Variants in TSPOAP1 observed in about 807,000 individuals in gnomAD.
TSPOAP1 encodes peripheral-type benzodiazepine receptor-associated protein 1.
A neutral mutation model predicts 197.0 loss-of-function variants in TSPOAP1; 87 were observed. The ratio of observed to expected loss-of-function variants is 0.44; its 90% CI spans 0.37 to 0.53. TSPOAP1 has a LOEUF of 0.53. Among genes scored for constraint, TSPOAP1 ranks in the 20% least tolerant of loss-of-function variants. The pLI is 0.00. For missense variants in TSPOAP1, 2,174 were observed against 2,411.3 expected (o/e 0.90, Z 2.06); for synonymous variants, 913 against 998.9 (o/e 0.91, Z 1.62).
chr17:58,327,504 A>T, intron 1 of TSPOAP1, 84 bp downstream of exon 1: 1 of 1,423,470 alleles, frequency 7.0e-7, no homozygotes, highest in Non-Finnish European at 9.7e-7. Flanking sequence ...GGGGATGCAT[A>T]CCTCGCCTCA....
At chr17:58,310,338 C>A (rs1383554194) in intron 20 of TSPOAP1, among the ~76,000 whole-genome samples, 174 bp downstream of exon 20, 1 of 152,130 alleles carries the variant, frequency 6.6e-6, no homozygotes. Context: ...GAGATGGGAG[C>A]CACATGGGAC....
intron 14 of TSPOAP1, among the ~76,000 whole-genome samples, chr17:58,316,764 G>A (rs1971250830): frequency 6.6e-6 from 1 of 152,234 alleles, no homozygotes; most frequent in Non-Finnish European, 1.5e-5. Context: ...GGGCAGTGGG[G>A]ATAACCCAGA....
Position 58,309,123 on chromosome 17 carries a change from A to G in TSPOAP1, c.4149T>C (p.Ser1383=), listed in dbSNP as rs1479261855. The change falls in exon 22 of 32, where the codon TCT becomes TCC. Residue 1383 remains serine, a synonymous_variant. Coordinates refer to ENST00000343736, the MANE Select transcript of TSPOAP1 (RefSeq NM_004758.4). The surrounding 1 kb of genome is among the most constrained non-coding windows in gnomAD (Gnocchi z 5.0). ...QPRRPGQCPL[S]PESSRAGDCL... ...AGTCTCCAGCCCTGGAGGACTCAGG[A>G]GACAAGGGACACTGGCCAGGTCTTC... 1.9e-6 allele frequency: 3 copies of G among 1,613,798 alleles called. No homozygotes were observed. The highest frequency in any genetic ancestry group is 1.3e-5 in the African/African-American group (1 of 75,008).
intron 12 of TSPOAP1, among the ~76,000 whole-genome samples, chr17:58,319,576 C>T (rs1971338660): frequency 6.6e-6 from 1 of 152,232 alleles, no homozygotes; most frequent in Non-Finnish European, 1.5e-5. Flanking sequence ...GGCGATGGCA[C>T]CTCTGCCTCT....
intron 29 of TSPOAP1, 85 bp from the exon 30 acceptor site, chr17:58,305,256 G>A: frequency 6.7e-7 from 1 of 1,487,534 alleles, no homozygotes; most frequent in Non-Finnish European, 9.4e-7. Flanking sequence ...GGGAACAGCT[G>A]GGGCCAAAAC....
chr17:58,316,380 A>C (rs1459768528), intron 15 of TSPOAP1, 45 bp downstream of exon 15: 1 of 1,550,660 alleles, frequency 6.4e-7, no homozygotes, highest in Admixed American at 1.8e-5. Context: ...CCTATACCCC[A>C]AATGCTGGGG....
rs759488436 is a variant in TSPOAP1 at position 58,309,095 on chromosome 17, G to A, written c.4177C>T (p.Leu1393=). The stretch of plus-strand genomic sequence containing the variant: ...CCAACTAATCCAGGCATGTCTTCCA[G>A]GCAGTCTCCAGCCCTGGAGGACTCA... ...SPESSRAGDC[L]EDMPGLVGGS... is the part of the protein sequence containing the mutation. Residue 1393 remains leucine (L), a synonymous_variant, in exon 22 of 32, where the codon CTG becomes TTG. Coordinates refer to ENST00000343736, the MANE Select transcript of TSPOAP1 (RefSeq NM_004758.4). The surrounding 1 kb of genome is among the most constrained non-coding windows in gnomAD (Gnocchi z 5.0). 6.2e-7 allele frequency: 1 copy of A among 1,613,584 alleles called. No homozygotes were observed. The highest frequency in any genetic ancestry group is 8.5e-7 in the Non-Finnish European group (1 of 1,180,032).
At chr17:58,314,243 C>T (rs762180843) in intron 16 of TSPOAP1, among the ~76,000 whole-genome samples, 32 of 152,204 alleles carry the variant, frequency 2.1e-4, no homozygotes, top group South Asian at 4.1e-4. Context: ...ACAAGAGGGA[C>T]TGTCAATAAA....
chr17:58,313,529 T>G (rs1000027554), intron 16 of TSPOAP1, among the ~76,000 whole-genome samples: 1 of 151,550 alleles, frequency 6.6e-6, no homozygotes, highest in African/African-American at 2.4e-5. Context: ...AAGGATTGCT[T>G]GAGCCCGGGA....
intron 4 of TSPOAP1, among the ~76,000 whole-genome samples, chr17:58,325,232 T>G (rs1332781829): frequency 6.6e-6 from 1 of 152,212 alleles, no homozygotes; most frequent in Non-Finnish European, 1.5e-5. Context: ...GCTCTCAATG[T>G]GCCCAGCACT....
Position 58,320,585 on chromosome 17 carries a change from C to T in TSPOAP1, c.1423-4G>A, listed in dbSNP as rs1567848279. The T allele has an allele frequency of 1.4e-6, 2 of 1,447,692 alleles. No individual in the cohort carries two copies. Among genetic ancestry groups the T allele is most frequent in the South Asian group, 1.5e-5 (1 of 65,040 alleles). 89.7% of individuals were successfully genotyped at this position (1,447,692 alleles called of 1,614,324 possible). On this transcript the variant is annotated splice_region_variant and splice_polypyrimidine_tract_variant and intron_variant, in intron 10 of 31. Coordinates refer to ENST00000343736, the MANE Select transcript of TSPOAP1 (RefSeq NM_004758.4). ...CCCTCTGGGCTTCAGCCTGGGCCTA[C>T]AGGTGGGGGGAACCAAAATACTGGA...
At position 58,328,004 on chromosome 17, in the gene TSPOAP1, G is replaced by T; in HGVS notation, c.-84C>A. On this transcript the variant is annotated 5_prime_UTR_variant, in exon 1 of 32. The change creates a new upstream start codon in the 5' untranslated region. Coordinates refer to ENST00000343736, the MANE Select transcript of TSPOAP1 (RefSeq NM_004758.4). The surrounding 1 kb of genome is among the most constrained non-coding windows in gnomAD (Gnocchi z 4.3). Reference sequence around the variant, plus strand: ...GACTGGCGAGGGTCATGCCAGGCCAGCCCCTCTCCCCTCTGAGCTCTTGCT... The same window carrying T: ...GACTGGCGAGGGTCATGCCAGGCCATCCCCTCTCCCCTCTGAGCTCTTGCT... 1 of 1,216,034 alleles carries T rather than the reference G, an allele frequency of 8.2e-7. No individual in the cohort carries two copies. The highest frequency in any genetic ancestry group is 1.1e-6 in the Non-Finnish European group (1 of 887,102). 75.3% of individuals were successfully genotyped at this position (1,216,034 alleles called of 1,614,324 possible). A position where few individuals can be genotyped will look rare whatever the true frequency, so the allele number is the denominator to read the frequency against.
At chr17:58,306,492 G>A in intron 25 of TSPOAP1, 79 bp from the exon 26 acceptor site, 1 of 1,299,218 alleles carries the variant, frequency 7.7e-7, no homozygotes, top group Non-Finnish European at 1.1e-6. Flanking sequence ...TTCCTCTCAG[G>A]GCCGTGCTAG....
At chr17:58,308,291 AAGGGCGACCCTGCCCAC>A (rs1970971066) in intron 22 of TSPOAP1, among the ~76,000 whole-genome samples, 1 of 152,234 alleles carries the variant, frequency 6.6e-6, no homozygotes, top group African/African-American at 2.4e-5. Context: ...ATGCAGAGGA[AAGGGCGACCCTGCCCAC>A]AGGCCGCAAC....
chr17:58,308,084 G>A (rs55887627), intron 22 of TSPOAP1, 143 bp from the exon 23 acceptor site: 10,710 of 889,512 alleles, frequency 0.012, 103 homozygotes, highest in Middle Eastern at 0.023. Context: ...GGCCCAGCCT[G>A]CTGGAGACCT....
chr17:58,322,575 T>A lies in TSPOAP1; in HGVS notation c.1317+79A>T. On this transcript the variant is annotated intron_variant, in intron 9 of 31. Coordinates refer to ENST00000343736, the MANE Select transcript of TSPOAP1 (RefSeq NM_004758.4). The surrounding 1 kb of genome is among the most constrained non-coding windows in gnomAD (Gnocchi z 5.0). ...GCCCAGGCCTCAGAGCTAGTGCCCCTCACTAAGAATATTCTGCTGTCCCAC... is the reference window on the plus strand; with the variant it reads ...GCCCAGGCCTCAGAGCTAGTGCCCCACACTAAGAATATTCTGCTGTCCCAC... 6.3e-7 allele frequency: 1 copy of A among 1,582,952 alleles called. No individual in the cohort carries two copies. The highest frequency in any genetic ancestry group is 8.6e-7 in the Non-Finnish European group (1 of 1,167,256).
chr17:58,314,057 G>A (rs1172122605), intron 16 of TSPOAP1, among the ~76,000 whole-genome samples: 2 of 152,194 alleles, frequency 1.3e-5, no homozygotes, highest in Non-Finnish European at 2.9e-5. Context: ...TAGCTGGTGT[G>A]CTTTATTGAG....
Position 58,310,105 on chromosome 17 carries a change from G to T in TSPOAP1, c.3753C>A (p.His1251Gln), listed in dbSNP as rs140610129. 1 of 1,613,318 alleles carries T rather than the reference G, an allele frequency of 6.2e-7. No individual in the cohort carries two copies. Among genetic ancestry groups the T allele is most frequent in the Admixed American group, 1.7e-5 (1 of 60,032 alleles). ...GVHLVNSLVD[H>Q]GRNSDLSDIQ... ...TGTCTGACAGGTCTGAGTTGCGGCC[G>T]TGGTCCACGAGGGAGTTCACCAGAT... The change falls in exon 21 of 32, where the codon CAC (histidine) becomes CAA (glutamine). Residue 1251 changes from histidine to glutamine, a missense_variant. Physicochemically the swap from His to Gln is conservative, Grantham distance 24 (BLOSUM62 0). This residue lies in a region of TSPOAP1 where 1,933 missense variants were observed against 2,139.0 expected (regional missense o/e 0.90). Transcript: ENST00000343736.
At position 58,302,379 on chromosome 17, in the gene TSPOAP1, G is replaced by T; in HGVS notation, c.*101C>A. ...GCTCCCCACGTTCAATCCTGGGGGCGCTGCCAGAGCTGGGGGTACAAGGCC... is the reference window on the plus strand; with the variant it reads ...GCTCCCCACGTTCAATCCTGGGGGCTCTGCCAGAGCTGGGGGTACAAGGCC... On this transcript the variant is annotated 3_prime_UTR_variant, in exon 32 of 32. Coordinates refer to ENST00000343736, the MANE Select transcript of TSPOAP1 (RefSeq NM_004758.4). 1 of 1,288,140 alleles carries T rather than the reference G, an allele frequency of 7.8e-7. No homozygotes were observed. Among genetic ancestry groups the T allele is most frequent in the Middle Eastern group, 2.3e-4 (1 of 4,276 alleles). The allele number at this position is 1,288,140 out of a possible 1,614,324, so 79.8% of individuals were successfully genotyped here.
Sources: allele counts gnomAD v4.1 joint callset (sites outside exome capture counted in the v4.1 genomes callset), GRCh38; gene constraint gnomAD v4.1.1; regional missense constraint gnomAD v4.1.1; non-coding constraint Gnocchi (gnomAD v3.1); transcripts MANE v1.5; gene names NCBI Gene and HGNC (gene_info 2026-07-23, HGNC 2026-07-21).